Variants in ATR observed in about 807,000 individuals in gnomAD.
ATR encodes the protein ATR checkpoint kinase.
In ATR, 142 loss-of-function variants were observed where a neutral mutation model predicts 305.3. The ratio of observed to expected loss-of-function variants is 0.47; its 90% CI spans 0.41 to 0.53. The LOEUF (loss-of-function observed/expected upper bound fraction) is 0.53. Among genes scored for constraint, ATR ranks in the 20% least tolerant of loss-of-function variants. The probability of loss-of-function intolerance (pLI) is 0.00; values close to 1 mark genes in which losing one functional copy is unlikely to be tolerated. For synonymous variants in ATR, 1,050 were observed against 1,068.1 expected, an observed-to-expected ratio of 0.98 and a Z score of 0.33; for missense variants, 2,135 against 3,133.1, an observed-to-expected ratio of 0.68 and a Z score of 7.60.
Position 142,515,964 on chromosome 3 carries a change from C to T in ATR, c.4383-449G>A, listed in dbSNP as rs79159251. Reference sequence around the variant, plus strand: ...GCACTTAATCAAGCTCAGAAGTTTCCAATGACTTTCTTCTCTACTTATCAG... The same window carrying T: ...GCACTTAATCAAGCTCAGAAGTTTCTAATGACTTTCTTCTCTACTTATCAG... On this transcript the variant is annotated intron_variant, in intron 24 of 46. Transcript: ENST00000350721. 9.5e-3 allele frequency among the ~76,000 whole-genome samples: 1,451 copies of T among 152,264 alleles called. 28 individuals carry two copies. The highest frequency in any genetic ancestry group is 0.032 in the African/African-American group (1,334 of 41,560).
intron 8 of ATR, among the ~76,000 whole-genome samples, chr3:142,557,004 T>C (rs891191721): frequency 1.3e-5 from 2 of 152,160 alleles, no homozygotes; most frequent in Non-Finnish European, 2.9e-5. Context: ...GAGGTGAAGA[T>C]GTGCAAACTC....
chr3:142,519,289 C>A (rs2033040042), intron 24 of ATR, among the ~76,000 whole-genome samples: 2 of 151,218 alleles, frequency 1.3e-5, no homozygotes, highest in African/African-American at 2.4e-5. Flanking sequence ...AAAACTATAT[C>A]AAAAATCACA....
intron 31 of ATR, 60 bp downstream of exon 31, chr3:142,499,567 T>G: frequency 5.3e-6 from 8 of 1,506,686 alleles, no homozygotes; most frequent in Non-Finnish European, 7.4e-6. Flanking sequence ...GTGCTGGGAT[T>G]ACAGGCGTGA....
chr3:142,562,156 T>C, intron 4 of ATR, 76 bp downstream of exon 4: 3 of 1,433,620 alleles, frequency 2.1e-6, no homozygotes. Flanking sequence ...TTCTTATTAT[T>C]ACATTTTGCA....
chr3:142,553,171 G>GT, intron 13 of ATR, 56 bp downstream of exon 13: 2 of 1,556,966 alleles, frequency 1.3e-6, no homozygotes, highest in Non-Finnish European at 8.8e-7. Flanking sequence ...CTTCTTTTTT[G>GT]TAACTCTTAA....
intron 21 of ATR, among the ~76,000 whole-genome samples, chr3:142,529,181 A>T (rs2033539748): frequency 6.6e-6 from 1 of 151,772 alleles, no homozygotes; most frequent in African/African-American, 2.4e-5. Flanking sequence ...TGCCCAGCCT[A>T]TCCAATATAT....
At chr3:142,505,414 C>T in intron 28 of ATR, 111 bp from the exon 29 acceptor site, 5 of 1,346,070 alleles carry the variant, frequency 3.7e-6, no homozygotes, top group Non-Finnish European at 3.1e-6. Context: ...GAAATTTTTC[C>T]TCAAAGTAAT....
intron 21 of ATR, among the ~76,000 whole-genome samples, chr3:142,533,043 A>C (rs1041477822): frequency 6.6e-6 from 1 of 152,126 alleles, no homozygotes; most frequent in African/African-American, 2.4e-5. Flanking sequence ...TCACACCTGT[A>C]ATACCAGTAC....
chr3:142,547,859 A>G lies in ATR; in HGVS notation c.3223T>C (p.Leu1075=). 1 of 1,613,940 alleles carries G rather than the reference A, an allele frequency of 6.2e-7. No homozygotes were observed. The highest frequency in any genetic ancestry group is 1.1e-5 in the South Asian group (1 of 91,034). The change falls in exon 16 of 47, where the codon TTG becomes CTG. Residue 1075 remains leucine, a synonymous_variant. Coordinates refer to ENST00000350721, the MANE Select transcript of ATR (RefSeq NM_001184.4). ...GSLLRQDFQG[L]HNELLLRIGE... is the part of the protein sequence containing the mutation. ...ATACGCAGCAATAATTCATTATGCA[A>G]TCCTTGGAAATCTTGTCTCAACAGG...
At chr3:142,513,707 T>A (rs1201881040) in intron 25 of ATR, 69 bp from the exon 26 acceptor site, 49 of 1,461,024 alleles carry the variant, frequency 3.4e-5, no homozygotes, top group Non-Finnish European at 4.4e-5. Context: ...GAGTAGCATG[T>A]GAGATAATTT....
At chr3:142,481,049 C>T (rs1344781532) in intron 36 of ATR, among the ~76,000 whole-genome samples, 2 of 152,240 alleles carry the variant, frequency 1.3e-5, no homozygotes, top group Non-Finnish European at 2.9e-5. Flanking sequence ...TGAGGCAATG[C>T]CTTGCCCTGC....
At chr3:142,496,020 T>C (rs2031567921) in intron 34 of ATR, among the ~76,000 whole-genome samples, 1 of 151,500 alleles carries the variant, frequency 6.6e-6, no homozygotes, top group South Asian at 2.1e-4. Flanking sequence ...CACTACTATA[T>C]ACACCCTGTA....
chr3:142,458,938 G>T lies in ATR; in HGVS notation c.7503+20C>A. 1 of 1,611,372 alleles carries T rather than the reference G, an allele frequency of 6.2e-7. No homozygotes were observed. The highest frequency in any genetic ancestry group is 1.3e-5 in the African/African-American group (1 of 74,988). ...AATTGAGAGAAAACACAATTAGTAA[G>T]AGTAACTCATATCACATACCTTATT... On this transcript the variant is annotated intron_variant, in intron 44 of 46. Coordinates refer to ENST00000350721, the MANE Select transcript of ATR (RefSeq NM_001184.4).
At chr3:142,526,330 C>G (rs551881544) in intron 21 of ATR, among the ~76,000 whole-genome samples, 2 of 152,176 alleles carry the variant, frequency 1.3e-5, no homozygotes, top group South Asian at 4.1e-4. Context: ...TCTTATGTCT[C>G]TGATTATCAT....
At chr3:142,522,474 A>C (rs1216128583) in intron 23 of ATR, among the ~76,000 whole-genome samples, 2 of 152,184 alleles carry the variant, frequency 1.3e-5, no homozygotes, top group Admixed American at 6.5e-5. Context: ...GAATGATTTA[A>C]GTAACTCATT....
At chr3:142,519,223 C>T (rs1383555066) in intron 24 of ATR, among the ~76,000 whole-genome samples, 1 of 151,868 alleles carries the variant, frequency 6.6e-6, no homozygotes. Context: ...AAATTATAAG[C>T]ATAAATCATA....
In ATR at chr3:142,467,742, G is replaced by T. The variant is rs190036658; in HGVS notation, c.6687+192C>A. ...TTTTAGAAATATTAGAGGGTATTTG[G>T]AAGTAAGATGTATTAGAAATATTAA... On this transcript the variant is annotated intron_variant, in intron 39 of 46. Coordinates refer to ENST00000350721, the MANE Select transcript of ATR (RefSeq NM_001184.4). 5.9e-3 allele frequency among the ~76,000 whole-genome samples: 900 copies of T among 152,094 alleles called. 12 individuals carry two copies. Among genetic ancestry groups the T allele is most frequent in the African/African-American group, 0.021 (864 of 41,488 alleles).
rs776782561 is a variant in ATR at position 142,466,489 on chromosome 3, T to C, written c.6732A>G (p.Lys2244=). ...SSTLSMSTHF[K]MLKKLVEEAT... is the part of the protein sequence containing the mutation. ...CTTCTTCTACCAGCTTTTTAAGCAT[T>C]TTAAAATGAGTGCTCATGCTTAATG... Residue 2244 remains lysine, a synonymous_variant, in exon 40 of 47, where the codon AAA becomes AAG. Transcript: ENST00000350721. 6.2e-6 allele frequency: 10 copies of C among 1,613,942 alleles called. No individual in the cohort carries two copies. The South Asian group carries it at 7.7e-5, about 12-fold the overall frequency.
At chr3:142,487,004 C>T (rs1458583913) in intron 35 of ATR, among the ~76,000 whole-genome samples, 8 of 148,768 alleles carry the variant, frequency 5.4e-5, no homozygotes, top group Non-Finnish European at 1.0e-4. Flanking sequence ...CGGTGGCAGG[C>T]GCCTGTAGTC....
Sources: allele counts gnomAD v4.1 joint callset (sites outside exome capture counted in the v4.1 genomes callset), GRCh38; gene constraint gnomAD v4.1.1; transcripts MANE v1.5; gene names NCBI Gene and HGNC (gene_info 2026-07-23, HGNC 2026-07-21).